DACH2: variants seen among roughly 807,000 people sequenced by gnomAD.
The protein encoded by DACH2 is dachshund family transcription factor 2.
A neutral mutation model predicts 35.8 loss-of-function variants in DACH2; 17 were observed. That is an observed-to-expected ratio of 0.48 (90% CI 0.33 to 0.71). The LOEUF (loss-of-function observed/expected upper bound fraction) is 0.71, where lower values mean the gene tolerates loss of function less well. DACH2 is among the 30% of genes least tolerant of loss of function. The probability of loss-of-function intolerance (pLI) is 0.02; values close to 1 mark genes in which losing one functional copy is unlikely to be tolerated. For synonymous variants in DACH2, 195 were observed against 177.3 expected (o/e 1.10, Z -0.79); for missense variants, 469 against 472.7 (o/e 0.99, Z 0.07).
intron 1 of DACH2, among the ~76,000 whole-genome samples, chrX:86,298,259 C>G (rs1488485248): frequency 9.0e-6 from 1 of 111,646 alleles, no homozygotes; most frequent in Non-Finnish European, 1.9e-5. Context: ...TGATTTGACC[C>G]TCTTGGTCTA....
intron 1 of DACH2, chrX:86,160,788 A>T (rs1217438214): frequency 2.1e-6 from 1 of 471,256 alleles, no homozygotes; most frequent in Non-Finnish European, 3.8e-6. Flanking sequence ...AACAGACTTT[A>T]TTTCAGTTGT....
At position 86,656,857 on chromosome X, in the gene DACH2, G is replaced by GTATATATATATATATA. The variant is rs752576150; in HGVS notation, c.772+5709_772+5724dup. On this transcript the variant is annotated intron_variant, in intron 4 of 11. Coordinates refer to ENST00000373125, the MANE Select transcript of DACH2 (RefSeq NM_053281.3). ...TGTATTAAAATACATGTGTGTGTGT[G>GTATATATATATATATA]TATATATATATATATATATATATAT... 1.2e-3 allele frequency among the ~76,000 whole-genome samples: 82 copies of GTATATATATATATATA among 66,729 alleles called. 1 individual carries two copies. The highest frequency in any genetic ancestry group is 5.0e-3 in the African/African-American group (70 of 13,885). 57.9% of individuals were successfully genotyped at this position (66,729 alleles called of 115,157 possible). A position where few individuals can be genotyped will look rare whatever the true frequency, so the allele number is the denominator to read the frequency against.
intron 1 of DACH2, among the ~76,000 whole-genome samples, chrX:86,257,856 T>C (rs1380304302): frequency 5.3e-5 from 6 of 112,520 alleles, no homozygotes; most frequent in African/African-American, 1.9e-4. Context: ...TCAGCTAAGA[T>C]GCTTTCTCTT....
intron 1 of DACH2, among the ~76,000 whole-genome samples, chrX:86,217,142 A>T (rs374884753): frequency 1.8e-5 from 2 of 109,776 alleles, no homozygotes; most frequent in East Asian, 5.7e-4. Context: ...TTATATAGGG[A>T]CTCATTTTTT....
chrX:86,501,448 A>T (rs2038247426), intron 2 of DACH2, among the ~76,000 whole-genome samples: 1 of 112,308 alleles, frequency 8.9e-6, no homozygotes, highest in African/African-American at 3.2e-5. Flanking sequence ...AGACAGGAAG[A>T]TAAAGGATTA....
In DACH2 at chrX:86,298,504, T is replaced by A. The variant is rs184559112; in HGVS notation, c.489-78320T>A. ...TGACCAAGTGGTTTTGTTGACATATTTATGAAGTTTTATAATAGAATAAAC... is the reference window on the plus strand; with the variant it reads ...TGACCAAGTGGTTTTGTTGACATATATATGAAGTTTTATAATAGAATAAAC... On this transcript the variant is annotated intron_variant, in intron 1 of 11. Transcript: ENST00000373125. Among the ~76,000 whole-genome samples the A allele has an allele frequency of 2.4e-4, 27 of 111,912 alleles. No individual in the cohort carries two copies. In the East Asian group the frequency reaches 7.6e-3, roughly 31 times the overall value.
intron 2 of DACH2, among the ~76,000 whole-genome samples, chrX:86,384,489 T>A (rs1403381738): frequency 8.9e-6 from 1 of 111,954 alleles, no homozygotes; most frequent in Non-Finnish European, 1.9e-5. Context: ...GGAATTATGT[T>A]CCATGGCAAC....
chrX:86,479,578 G>A (rs191813797), intron 2 of DACH2, among the ~76,000 whole-genome samples: 70 of 111,496 alleles, frequency 6.3e-4, no homozygotes, highest in Non-Finnish European at 1.2e-3. Context: ...TATGTTTTTC[G>A]CTATCTTCTT....
intron 1 of DACH2, among the ~76,000 whole-genome samples, chrX:86,317,887 C>A (rs1189143640): frequency 9.0e-6 from 1 of 111,369 alleles, no homozygotes; most frequent in South Asian, 3.8e-4. Context: ...CCTGTCTACA[C>A]AGGGGCTGTG....
At chrX:86,188,288 A>G (rs2031738014) in intron 1 of DACH2, among the ~76,000 whole-genome samples, 1 of 111,770 alleles carries the variant, frequency 8.9e-6, no homozygotes, top group Admixed American at 9.5e-5. Flanking sequence ...AGTAGTTGAA[A>G]CTCAGGGTGA....
At chrX:86,242,154 G>T (rs1233388331) in intron 1 of DACH2, among the ~76,000 whole-genome samples, 1 of 112,184 alleles carries the variant, frequency 8.9e-6, no homozygotes, top group Non-Finnish European at 1.9e-5. Flanking sequence ...AGAATTGTAG[G>T]TCCACTGACA....
intron 1 of DACH2, among the ~76,000 whole-genome samples, chrX:86,311,143 G>A (rs763791064): frequency 1.2e-3 from 131 of 111,993 alleles, no homozygotes; most frequent in African/African-American, 3.8e-3. Flanking sequence ...CTTCCATCAT[G>A]GAAAGAACAA....
chrX:86,257,017 T>A (rs2033533200), intron 1 of DACH2, among the ~76,000 whole-genome samples: 2 of 112,240 alleles, frequency 1.8e-5, no homozygotes, highest in South Asian at 7.4e-4. Flanking sequence ...TAAACAAAAT[T>A]AGGATCATAA....
intron 1 of DACH2, among the ~76,000 whole-genome samples, chrX:86,368,188 C>A (rs1391095196): frequency 1.8e-5 from 2 of 112,088 alleles, no homozygotes; most frequent in Non-Finnish European, 3.8e-5. Context: ...CCCATGGATT[C>A]AACATTCATT....
At chrX:86,705,614 G>C (rs1311575519) in intron 5 of DACH2, among the ~76,000 whole-genome samples, 1 of 111,412 alleles carries the variant, frequency 9.0e-6, no homozygotes, top group East Asian at 2.8e-4. Context: ...TGGGTGTAAT[G>C]AAAGAGGAAT....
At chrX:86,237,723 C>G (rs748619177) in intron 1 of DACH2, among the ~76,000 whole-genome samples, 1 of 111,709 alleles carries the variant, frequency 9.0e-6, no homozygotes, top group Non-Finnish European at 1.9e-5. Flanking sequence ...GGCCACTGCA[C>G]ATGGCTGGGC....
intron 1 of DACH2, among the ~76,000 whole-genome samples, chrX:86,315,325 T>A (rs2034878130): frequency 8.9e-6 from 1 of 112,237 alleles, no homozygotes; most frequent in Admixed American, 9.4e-5. Context: ...AGAAGATTTC[T>A]TTCAATATAT....
At chrX:86,331,118 A>C (rs2035205296) in intron 1 of DACH2, among the ~76,000 whole-genome samples, 1 of 111,709 alleles carries the variant, frequency 9.0e-6, no homozygotes. Flanking sequence ...TGAACTTGGA[A>C]AGTTACTTTC....
At chrX:86,549,395 G>C (rs762777276) in intron 3 of DACH2, among the ~76,000 whole-genome samples, 1 of 110,980 alleles carries the variant, frequency 9.0e-6, no homozygotes, top group African/African-American at 3.3e-5. Context: ...GTTTAATAGA[G>C]TTTTGCACAA....
Sources: gnomAD v4.1 joint callset for allele counts (sites outside exome capture counted in the v4.1 genomes callset) on GRCh38, gnomAD v4.1.1 for gene constraint, MANE v1.5 for transcripts, NCBI Gene and HGNC (gene_info 2026-07-23, HGNC 2026-07-21) for gene names.